The following MAD1L1 variants were observed in gnomAD, a reference collection of about 807,000 sequenced individuals.
MAD1L1 encodes mitotic spindle assembly checkpoint protein MAD1.
MAD1L1 carries 95 observed loss-of-function variants against 96.9 expected under a neutral mutation model. That is an observed-to-expected ratio of 0.98 (90% confidence interval 0.83 to 1.16). MAD1L1 has a LOEUF of 1.16. Ranked by LOEUF, MAD1L1 falls within the 50% of genes most tolerant of loss-of-function variation. The pLI is 0.00. For missense variants in MAD1L1, 1,007 were observed against 954.4 expected (o/e 1.06, Z -0.73); for synonymous variants, 473 against 396.6 (o/e 1.19, Z -2.29).
chr7:1,935,600 C>A (rs113517754), intron 17 of MAD1L1, among the ~76,000 whole-genome samples: 2,501 of 152,350 alleles, frequency 0.016, 28 homozygotes, highest in Non-Finnish European at 0.028. Flanking sequence ...GACAATCACT[C>A]CTGATACATC....
At chr7:2,080,467 C>T (rs1362674872) in intron 11 of MAD1L1, among the ~76,000 whole-genome samples, 1 of 152,238 alleles carries the variant, frequency 6.6e-6, no homozygotes, top group East Asian at 1.9e-4. Flanking sequence ...TCGGCCACTG[C>T]AGATGCACAA....
intron 12 of MAD1L1, among the ~76,000 whole-genome samples, chr7:2,047,317 G>A (rs1783969352): frequency 6.6e-6 from 1 of 152,210 alleles, no homozygotes; most frequent in African/African-American, 2.4e-5. Flanking sequence ...CCTGTCTGCA[G>A]ACCGTGCCGA....
At chr7:2,178,117 T>TG (rs149006084) in intron 10 of MAD1L1, among the ~76,000 whole-genome samples, 6 of 152,376 alleles carry the variant, frequency 3.9e-5, no homozygotes, top group African/African-American at 1.4e-4. Flanking sequence ...TTCTATTTTC[T>TG]GGATACAAGG....
intron 18 of MAD1L1, among the ~76,000 whole-genome samples, chr7:1,877,106 A>C (rs1193165697): frequency 6.6e-6 from 1 of 151,750 alleles, no homozygotes; most frequent in Non-Finnish European, 1.5e-5. Flanking sequence ...AAAAAGAAAA[A>C]ATGGAAAAAT....
chr7:2,002,265 G>C, intron 13 of MAD1L1, 144 bp from the exon 14 acceptor site: 3 of 781,656 alleles, frequency 3.8e-6, no homozygotes, highest in Non-Finnish European at 6.4e-6. Flanking sequence ...TGGGCAGCCA[G>C]AGGGTGGGCA....
At chr7:1,918,434 C>G (rs1324136383) in intron 17 of MAD1L1, among the ~76,000 whole-genome samples, 1 of 152,208 alleles carries the variant, frequency 6.6e-6, no homozygotes, top group African/African-American at 2.4e-5. Flanking sequence ...ACCGCAGTCA[C>G]GCCACTGGGG....
Position 1,924,216 on chromosome 7 carries a change from C to T in MAD1L1, c.1807+12471G>A, listed in dbSNP as rs114904457. Reference sequence around the variant, plus strand: ...TTTCACAGTATCTTAGAGATGATGCCGTGCCACTAAGCTTGGTGTAGAAAG... The same window carrying T: ...TTTCACAGTATCTTAGAGATGATGCTGTGCCACTAAGCTTGGTGTAGAAAG... On this transcript the variant is annotated intron_variant, in intron 17 of 18. Transcript: ENST00000265854. Among the ~76,000 whole-genome samples the T allele has an allele frequency of 1.5e-3, 222 of 152,298 alleles. 1 individual carries two copies. The highest frequency in any genetic ancestry group is 5.2e-3 in the African/African-American group (217 of 41,544).
chr7:1,956,024 A>G (rs951503502), intron 16 of MAD1L1, among the ~76,000 whole-genome samples: 8 of 152,054 alleles, frequency 5.3e-5, no homozygotes, highest in African/African-American at 1.9e-4. Context: ...GAGGCCGACA[A>G]GCAGGCATTG....
intron 18 of MAD1L1, among the ~76,000 whole-genome samples, chr7:1,884,975 T>C (rs1382098637): frequency 1.3e-5 from 2 of 152,116 alleles, no homozygotes; most frequent in East Asian, 1.9e-4. Context: ...CATCTCAGCT[T>C]TAGAATCGGG....
chr7:2,178,270 A>G (rs1020079273), intron 10 of MAD1L1, among the ~76,000 whole-genome samples: 33 of 152,148 alleles, frequency 2.2e-4, no homozygotes, highest in African/African-American at 7.0e-4. Context: ...AGTCTCCTTA[A>G]TTTTCACAGC....
chr7:2,231,612 A>C (rs1310387329), intron 1 of MAD1L1, among the ~76,000 whole-genome samples: 4 of 152,158 alleles, frequency 2.6e-5, no homozygotes, highest in Admixed American at 6.5e-5. Context: ...GTTTCAAAAA[A>C]TAATAATAAT....
intron 18 of MAD1L1, among the ~76,000 whole-genome samples, chr7:1,856,863 G>C (rs1006053117): frequency 1.3e-5 from 2 of 152,188 alleles, no homozygotes; most frequent in African/African-American, 4.8e-5. Context: ...CACCCTGGGG[G>C]AGGGAGAGGG....
intron 10 of MAD1L1, among the ~76,000 whole-genome samples, chr7:2,182,724 G>A (rs1288239949): frequency 2.0e-5 from 3 of 152,146 alleles, no homozygotes; most frequent in African/African-American, 4.8e-5. Flanking sequence ...CCTATGGTGC[G>A]ATTCCACTGA....
intron 17 of MAD1L1, among the ~76,000 whole-genome samples, chr7:1,916,858 G>A (rs1562522062): frequency 6.6e-6 from 1 of 152,062 alleles, no homozygotes; most frequent in Admixed American, 6.5e-5. Context: ...CACGACCCTG[G>A]CGCATCTCCC....
Position 2,198,984 on chromosome 7 carries a change from A to G in MAD1L1, c.986+14228T>C, listed in dbSNP as rs575608044. Among the ~76,000 whole-genome samples, 5 of 152,260 alleles carry G rather than the reference A, an allele frequency of 3.3e-5. No individual in the cohort carries two copies. The East Asian group carries it at 7.7e-4, about 24-fold the overall frequency. On this transcript the variant is annotated intron_variant, in intron 10 of 18. Coordinates refer to ENST00000265854, the MANE Select transcript of MAD1L1 (RefSeq NM_001013836.2). Reference sequence around the variant, plus strand: ...CTGTGGGGCCCGACAGGCTGAGGTCAGGCAGTGGGATCCCCCCTTCACAGT... The same window carrying G: ...CTGTGGGGCCCGACAGGCTGAGGTCGGGCAGTGGGATCCCCCCTTCACAGT...
chr7:2,117,713 A>G (rs1476689108), intron 11 of MAD1L1, among the ~76,000 whole-genome samples: 3 of 152,174 alleles, frequency 2.0e-5, no homozygotes, highest in African/African-American at 7.2e-5. Context: ...ATAAACTGTG[A>G]GTTAATTAAA....
chr7:2,202,325 G>A (rs1225733336), intron 10 of MAD1L1, among the ~76,000 whole-genome samples: 1 of 152,216 alleles, frequency 6.6e-6, no homozygotes, highest in African/African-American at 2.4e-5. Flanking sequence ...GAGATGGCAG[G>A]CACCGTGCTC....
chr7:2,219,870 C>A (rs1271563742), intron 5 of MAD1L1, among the ~76,000 whole-genome samples: 2 of 152,142 alleles, frequency 1.3e-5, no homozygotes, highest in Non-Finnish European at 2.9e-5. Context: ...GCCAGGGGCC[C>A]TGGAAAGGAG....
At chr7:2,110,242 A>C (rs562782710) in intron 11 of MAD1L1, among the ~76,000 whole-genome samples, 1 of 152,300 alleles carries the variant, frequency 6.6e-6, no homozygotes, top group Non-Finnish European at 1.5e-5. Context: ...GCAGCACCGC[A>C]AAGATTCTTG....
Sources: allele counts gnomAD v4.1 joint callset (sites outside exome capture counted in the v4.1 genomes callset), GRCh38; gene constraint gnomAD v4.1.1; transcripts MANE v1.5; gene names NCBI Gene and HGNC (gene_info 2026-07-23, HGNC 2026-07-21).